WHRN: variants seen among roughly 807,000 people sequenced by gnomAD.
WHRN encodes whirlin, also known as CASK-interacting protein CIP98.
A neutral mutation model predicts 68.3 loss-of-function variants in WHRN; 41 were observed. The observed-to-expected ratio is 0.60, with a 90% confidence interval of 0.47 to 0.78. The LOEUF is 0.78. Among genes scored for constraint, WHRN ranks in the 30% least tolerant of loss-of-function variants. The pLI is 0.00. For missense variants in WHRN, 1,243 were observed against 1,244.7 expected, an observed-to-expected ratio of 1.00 and a Z score of 0.02; for synonymous variants, 560 against 561.3, an observed-to-expected ratio of 1.00 and a Z score of 0.03.
chr9:114,437,934 A>G (rs1838008090), intron 3 of WHRN, among the ~76,000 whole-genome samples: 1 of 152,232 alleles, frequency 6.6e-6, no homozygotes, highest in Admixed American at 6.5e-5. Flanking sequence ...TCCTGAGAGC[A>G]AAAGGATAAT....
intron 1 of WHRN, among the ~76,000 whole-genome samples, chr9:114,485,687 G>C (rs573491736): frequency 1.3e-5 from 2 of 149,578 alleles, no homozygotes; most frequent in Non-Finnish European, 3.0e-5. Context: ...GCGAGACTCC[G>C]TCTCTAAATA....
At chr9:114,487,961 T>C (rs1842679826) in intron 1 of WHRN, among the ~76,000 whole-genome samples, 1 of 152,224 alleles carries the variant, frequency 6.6e-6, no homozygotes. Flanking sequence ...ATCTTGGCTC[T>C]ATCTTCCAAT....
rs529347540 is a variant in WHRN, at chr9:114,485,844, T to A, written c.619-7073A>T. Among the ~76,000 whole-genome samples the A allele has an allele frequency of 4.6e-3, 688 of 150,818 alleles. 4 individuals carry two copies. The highest frequency in any genetic ancestry group is 0.017 in the Middle Eastern group (5 of 294). Reference sequence around the variant, plus strand: ...ACATGGTGAGACGCCACAAAAAAAATTTTTTTTTTAAAATTTAAAATTATC... The same window carrying A: ...ACATGGTGAGACGCCACAAAAAAAAATTTTTTTTTAAAATTTAAAATTATC... On this transcript the variant is annotated intron_variant, in intron 1 of 11. Coordinates refer to ENST00000362057, the MANE Select transcript of WHRN (RefSeq NM_015404.4).
chr9:114,407,993 C>A lies in WHRN; in HGVS notation c.1652G>T (p.Gly551Val). ...GTTGATATTGCCCTGGACAGCCTCG[C>A]CAGTTTCCTCCAGGTCCAGAGTGTT... ...ARNTLDLEET[G>V]EAVQGNINAL... The change falls in exon 8 of 12, where the codon GGC becomes GTC. Residue 551 changes from glycine (G) to valine (V), a missense_variant. Coordinates refer to ENST00000362057, the MANE Select transcript of WHRN (RefSeq NM_015404.4). The A allele has an allele frequency of 6.2e-7, 1 of 1,603,554 alleles. No individual in the cohort carries two copies. Among genetic ancestry groups the A allele is most frequent in the Non-Finnish European group, 8.5e-7 (1 of 1,174,402 alleles).
chr9:114,454,168 T>C (rs1023711492), intron 3 of WHRN, among the ~76,000 whole-genome samples: 3 of 152,246 alleles, frequency 2.0e-5, no homozygotes, highest in Non-Finnish European at 2.9e-5. Flanking sequence ...ACATACTTCA[T>C]GGTGAAAAAT....
At position 114,449,957 on chromosome 9, in the gene WHRN, A is replaced by G. The variant is rs573773192; in HGVS notation, c.963+16310T>C. Reference sequence around the variant, plus strand: ...GGTACTATTATTATCATTATTATCAAAAACTGGAATCTACAGGAGCTTGGG... The same window carrying G: ...GGTACTATTATTATCATTATTATCAGAAACTGGAATCTACAGGAGCTTGGG... On this transcript the variant is annotated intron_variant, in intron 3 of 11. Coordinates refer to ENST00000362057, the MANE Select transcript of WHRN (RefSeq NM_015404.4). Among the ~76,000 whole-genome samples the G allele has an allele frequency of 4.6e-5, 7 of 152,234 alleles. 1 individual carries two copies. The highest frequency in any genetic ancestry group is 1.7e-4 in the African/African-American group (7 of 41,510).
chr9:114,482,443 C>A (rs1250024264), intron 1 of WHRN, among the ~76,000 whole-genome samples: 1 of 152,124 alleles, frequency 6.6e-6, no homozygotes, highest in Non-Finnish European at 1.5e-5. Context: ...GTCGGCTTAC[C>A]AGTGGACAGT....
chr9:114,418,757 G>T (rs184364934), intron 7 of WHRN, among the ~76,000 whole-genome samples: 1 of 152,298 alleles, frequency 6.6e-6, no homozygotes, highest in Non-Finnish European at 1.5e-5. Context: ...ACCACCTGCA[G>T]GTCTTGACTC....
At chr9:114,487,741 T>G (rs981250760) in intron 1 of WHRN, among the ~76,000 whole-genome samples, 1 of 152,226 alleles carries the variant, frequency 6.6e-6, no homozygotes, top group Non-Finnish European at 1.5e-5. Context: ...GGGCATGCCT[T>G]ATCCCTTTTG....
chr9:114,454,128 G>A (rs1839569815), intron 3 of WHRN, among the ~76,000 whole-genome samples: 2 of 152,328 alleles, frequency 1.3e-5, no homozygotes, highest in South Asian at 4.1e-4. Flanking sequence ...CAAATCTGAT[G>A]AAGAGTATCC....
chr9:114,447,760 TTCTC>T (rs56013921), intron 3 of WHRN, among the ~76,000 whole-genome samples: 104,079 of 151,304 alleles, frequency 0.69, 36,204 homozygotes, highest in Middle Eastern at 0.78. Flanking sequence ...CTCACACACT[TTCTC>T]TCTCTCTCTT....
intron 3 of WHRN, among the ~76,000 whole-genome samples, chr9:114,433,882 C>A (rs1362580136): frequency 6.6e-6 from 1 of 152,286 alleles, no homozygotes; most frequent in Admixed American, 6.5e-5. Flanking sequence ...ATGGTCTATG[C>A]TTCCTTCCGG....
At chr9:114,491,533 G>A (rs923689149) in intron 1 of WHRN, 19 of 167,494 alleles carry the variant, frequency 1.1e-4, no homozygotes, top group African/African-American at 3.8e-4. Context: ...GGGATGCAAC[G>A]GAGGCAGGTC....
intron 7 of WHRN, among the ~76,000 whole-genome samples, chr9:114,417,073 G>A (rs1385471049): frequency 3.3e-5 from 5 of 152,218 alleles, no homozygotes; most frequent in Admixed American, 1.3e-4. Context: ...ACATCTTTAT[G>A]GGGGAAATGA....
intron 2 of WHRN, among the ~76,000 whole-genome samples, chr9:114,467,193 C>T (rs1232897384): frequency 6.6e-6 from 1 of 152,062 alleles, no homozygotes; most frequent in African/African-American, 2.4e-5. Context: ...GCTGTCTCCC[C>T]AGGGGTCTTC....
At chr9:114,406,280 T>G in intron 9 of WHRN, 75 bp downstream of exon 9, 1 of 1,597,432 alleles carries the variant, frequency 6.3e-7, no homozygotes. Flanking sequence ...CCCCCTTCAC[T>G]GTGTCATCAG....
At chr9:114,404,749 C>T (rs1269372945) in intron 9 of WHRN, among the ~76,000 whole-genome samples, 1 of 152,240 alleles carries the variant, frequency 6.6e-6, no homozygotes, top group Non-Finnish European at 1.5e-5. Flanking sequence ...CTATGTTCTC[C>T]TTCTAATACA....
chr9:114,423,406 C>G lies in WHRN; in HGVS notation c.1534G>C (p.Gly512Arg), dbSNP rs368452983. The G allele has an allele frequency of 6.2e-7, 1 of 1,614,066 alleles. No homozygotes were observed. Among genetic ancestry groups the G allele is most frequent in the Non-Finnish European group, 8.5e-7 (1 of 1,179,984 alleles). Residue 512 changes from glycine to arginine, a missense_variant, in exon 7 of 12, where the codon GGG (glycine) becomes CGG (arginine). Gly to Arg is a moderately radical substitution (Grantham distance 125). Coordinates refer to ENST00000362057, the MANE Select transcript of WHRN (RefSeq NM_015404.4). ...ACCATGGAGTAGGTGTCCCCAGCCC[C>G]GGGGCCTGGGGGCTGCCGCGCCTTC... ...SMKARQPPGP[G>R]AGDTYSMVSY...
At chr9:114,459,723 T>G (rs1364851871) in intron 3 of WHRN, among the ~76,000 whole-genome samples, 1 of 152,226 alleles carries the variant, frequency 6.6e-6, no homozygotes. Flanking sequence ...CAGCAGGTCA[T>G]CCACACAGTC....
Sources: gnomAD v4.1 joint callset for allele counts (sites outside exome capture counted in the v4.1 genomes callset) on GRCh38, gnomAD v4.1.1 for gene constraint, MANE v1.5 for transcripts, NCBI Gene and HGNC (gene_info 2026-07-23, HGNC 2026-07-21) for gene names.